SORCS1: variants seen among roughly 807,000 people sequenced by gnomAD.
SORCS1 encodes the protein VPS10 domain-containing receptor SorCS1.
SORCS1 carries 60 observed loss-of-function variants against 146.1 expected under a neutral mutation model. The ratio of observed to expected loss-of-function variants is 0.41; its 90% CI spans 0.33 to 0.51. The LOEUF (loss-of-function observed/expected upper bound fraction) is 0.51, where lower values mean the gene tolerates loss of function less well. SORCS1 is among the 20% of genes least tolerant of loss of function. The probability of loss-of-function intolerance (pLI) is 0.21; values close to 1 mark genes in which losing one functional copy is unlikely to be tolerated. For missense variants in SORCS1, 1,352 were observed against 1,487.6 expected (o/e 0.91, Z 1.50); for synonymous variants, 637 against 584.0 (o/e 1.09, Z -1.31).
At chr10:106,746,960 C>A (rs1841781446) in intron 5 of SORCS1, among the ~76,000 whole-genome samples, 1 of 152,156 alleles carries the variant, frequency 6.6e-6, no homozygotes, top group South Asian at 2.1e-4. Flanking sequence ...AGAAGCTATC[C>A]CAAGTGCATA....
upstream of SORCS1, among the ~76,000 whole-genome samples, chr10:107,165,418 A>G (rs1970020994): frequency 6.6e-6 from 1 of 152,100 alleles, no homozygotes; most frequent in Non-Finnish European, 1.5e-5. This position sits in a 1 kb window ranked among gnomAD's most constrained non-coding sequence, Gnocchi z 4.0. Context: ...ATCTTCCTGC[A>G]TGCAATCATA....
At chr10:106,832,157 C>T (rs1229125640) in intron 2 of SORCS1, among the ~76,000 whole-genome samples, 1 of 149,796 alleles carries the variant, frequency 6.7e-6, no homozygotes, top group Non-Finnish European at 1.5e-5. Flanking sequence ...GAATTCTTTC[C>T]TAGCCCAGTC....
intron 1 of SORCS1, among the ~76,000 whole-genome samples, chr10:107,075,087 G>GA (rs1358115041): frequency 6.6e-6 from 1 of 151,990 alleles, no homozygotes; most frequent in East Asian, 1.9e-4. Flanking sequence ...CATTTGCATG[G>GA]AAAAAAACTT....
At chr10:106,907,183 C>A (rs1290721801) in intron 2 of SORCS1, among the ~76,000 whole-genome samples, 1 of 152,152 alleles carries the variant, frequency 6.6e-6, no homozygotes. Context: ...CTAGCAGTGA[C>A]TTTGCTAGGT....
chr10:106,778,899 A>G (rs1239383380), intron 3 of SORCS1, among the ~76,000 whole-genome samples: 1 of 152,102 alleles, frequency 6.6e-6, no homozygotes, highest in East Asian at 1.9e-4. Flanking sequence ...AATTAAACAC[A>G]ATTACAAACT....
rs942014406 is a variant in SORCS1 at position 106,985,726 on chromosome 10, G to C, written c.559-29146C>G. 2.0e-5 allele frequency among the ~76,000 whole-genome samples: 3 copies of C among 151,728 alleles called. No individual in the cohort carries two copies. In the South Asian group the frequency reaches 6.3e-4, roughly 32 times the overall value. On this transcript the variant is annotated intron_variant, in intron 1 of 25. Transcript: ENST00000263054. ...CAATTTTTGTATTTTTAGTAGAGAC[G>C]GGGTTTCACCATGTTGGCCAGGATG...
chr10:106,859,194 G>T (rs539498712), intron 2 of SORCS1, among the ~76,000 whole-genome samples: 2 of 152,264 alleles, frequency 1.3e-5, no homozygotes, highest in South Asian at 4.1e-4. Context: ...TCCTGACCAT[G>T]CCAATCAACT....
Position 107,029,662 on chromosome 10 carries a change from G to A in SORCS1, c.559-73082C>T, listed in dbSNP as rs145558240. ...GGTAAGAATTAGGTACTCTAGATAC[G>A]GGAGAAGGTAAATAAATTAGGCCAT... On this transcript the variant is annotated intron_variant, in intron 1 of 25. Coordinates refer to ENST00000263054, the MANE Select transcript of SORCS1 (RefSeq NM_052918.5). Among the ~76,000 whole-genome samples the A allele has an allele frequency of 5.0e-3, 765 of 152,228 alleles. 3 individuals carry two copies. Among genetic ancestry groups the A allele is most frequent in the African/African-American group, 0.016 (668 of 41,542 alleles).
At chr10:107,065,410 C>CTCT (rs1961657579) in intron 1 of SORCS1, among the ~76,000 whole-genome samples, 3 of 110,224 alleles carry the variant, frequency 2.7e-5, no homozygotes, top group African/African-American at 1.1e-4. Flanking sequence ...TTCTTTCTCT[C>CTCT]TTTCTTTTCT....
chr10:106,764,937 G>A (rs1859443655), intron 4 of SORCS1, among the ~76,000 whole-genome samples: 1 of 150,062 alleles, frequency 6.7e-6, no homozygotes, highest in African/African-American at 2.5e-5. Flanking sequence ...GCAGGAGGAT[G>A]GTGTGAACCT....
chr10:106,624,529 T>G (rs1165029885), intron 19 of SORCS1, among the ~76,000 whole-genome samples: 1 of 151,558 alleles, frequency 6.6e-6, no homozygotes, highest in African/African-American at 2.4e-5. Flanking sequence ...CCCAGCTAAT[T>G]TCTGTATTTT....
At chr10:106,579,040 C>A in intron 25 of SORCS1, 2 of 1,601,488 alleles carry the variant, frequency 1.2e-6, no homozygotes, top group South Asian at 1.1e-5. Flanking sequence ...GAGAGAGAGT[C>A]AGCCATTGCC....
upstream of SORCS1, among the ~76,000 whole-genome samples, chr10:107,168,655 C>T (rs1195309911): frequency 2.9e-5 from 4 of 138,702 alleles, no homozygotes; most frequent in Non-Finnish European, 4.6e-5. Context: ...TTTAAATGTA[C>T]CAGCTCATGC....
intron 5 of SORCS1, among the ~76,000 whole-genome samples, chr10:106,738,240 G>T (rs1857105775): frequency 6.6e-6 from 1 of 152,156 alleles, no homozygotes; most frequent in Non-Finnish European, 1.5e-5. Flanking sequence ...TTATAAGGAA[G>T]ATGTATATAT....
intron 5 of SORCS1, among the ~76,000 whole-genome samples, chr10:106,734,208 C>T (rs1362303680): frequency 6.6e-6 from 1 of 152,056 alleles, no homozygotes; most frequent in East Asian, 1.9e-4. Context: ...AAATGAACTC[C>T]CTTCTTGAAG....
chr10:106,972,228 A>G (rs529563104), intron 1 of SORCS1, among the ~76,000 whole-genome samples: 5 of 152,028 alleles, frequency 3.3e-5, no homozygotes, highest in African/African-American at 1.2e-4. Context: ...CTAAAAATAC[A>G]AAAATTAGCC....
intron 10 of SORCS1, among the ~76,000 whole-genome samples, chr10:106,684,514 G>A (rs965240432): frequency 2.0e-4 from 31 of 152,176 alleles, no homozygotes; most frequent in African/African-American, 7.0e-4. Context: ...ACCATGACCT[G>A]TAATATTCTA....
At chr10:106,916,417 T>C (rs59445826) in intron 2 of SORCS1, among the ~76,000 whole-genome samples, 1 of 150,650 alleles carries the variant, frequency 6.6e-6, no homozygotes, top group African/African-American at 2.4e-5. Context: ...TATGTGTGTG[T>C]GGGGGTATAC....
intron 1 of SORCS1, among the ~76,000 whole-genome samples, chr10:106,969,426 T>C (rs1422409304): frequency 6.6e-6 from 1 of 152,120 alleles, no homozygotes; most frequent in Non-Finnish European, 1.5e-5. Context: ...TAATATATCA[T>C]TTGCTGATTT....
Sources: gnomAD v4.1 joint callset for allele counts (sites outside exome capture counted in the v4.1 genomes callset) on GRCh38, gnomAD v4.1.1 for gene constraint, Gnocchi (gnomAD v3.1) non-coding constraint, MANE v1.5 for transcripts, NCBI Gene and HGNC (gene_info 2026-07-23, HGNC 2026-07-21) for gene names.